Variants in MCM9 observed in about 807,000 individuals in gnomAD.
The protein encoded by MCM9 is DNA helicase MCM9.
In MCM9, 55 loss-of-function variants were observed where a neutral mutation model predicts 72.8. The ratio of observed to expected loss-of-function variants is 0.76; its 90% CI spans 0.61 to 0.95. MCM9 has a LOEUF of 0.95. Ranked by LOEUF, MCM9 falls within the 40% of genes least tolerant of loss-of-function variation. MCM9 has a pLI of 0.00. For missense variants in MCM9, 1,279 were observed against 1,377.0 expected, an observed-to-expected ratio of 0.93 and a Z score of 1.13; for synonymous variants, 480 against 503.4, an observed-to-expected ratio of 0.95 and a Z score of 0.62.
intron 8 of MCM9, among the ~76,000 whole-genome samples, chr6:118,869,599 C>CCAAAAAAAA (rs776414465): frequency 1.7e-5 from 1 of 58,298 alleles, no homozygotes. Context: ...AAAGGATTTA[C>CCAAAAAAAA]AAAAAAAAAA....
chr6:118,880,733 G>T (rs1411838563), intron 8 of MCM9, among the ~76,000 whole-genome samples: 7 of 152,188 alleles, frequency 4.6e-5, no homozygotes, highest in Non-Finnish European at 8.8e-5. Flanking sequence ...TTTTAGTACT[G>T]GAATAGGGAA....
At chr6:118,928,063 C>G (rs1430967803) in intron 3 of MCM9, among the ~76,000 whole-genome samples, 1 of 152,156 alleles carries the variant, frequency 6.6e-6, no homozygotes, top group Non-Finnish European at 1.5e-5. Context: ...CAGTGCTCTC[C>G]TCTTCACTCT....
At chr6:118,897,058 C>T (rs1015657846) in intron 8 of MCM9, among the ~76,000 whole-genome samples, 5 of 152,050 alleles carry the variant, frequency 3.3e-5, no homozygotes, top group Non-Finnish European at 7.4e-5. Flanking sequence ...AAGCTGGTCT[C>T]GAACCCCTGG....
intron 8 of MCM9, among the ~76,000 whole-genome samples, chr6:118,897,291 G>A (rs574329941): frequency 3.1e-4 from 47 of 152,158 alleles, no homozygotes; most frequent in African/African-American, 1.1e-3. Flanking sequence ...TTCAGAAAAA[G>A]CCTTGAGGAA....
At position 118,878,439 on chromosome 6, in the gene MCM9, G is replaced by A. The variant is rs575097811; in HGVS notation, c.1151-21894C>T. Among the ~76,000 whole-genome samples the A allele has an allele frequency of 2.0e-5, 3 of 152,240 alleles. No individual in the cohort carries two copies. In the South Asian group the frequency reaches 6.2e-4, roughly 32 times the overall value. On this transcript the variant is annotated intron_variant, in intron 8 of 13. Transcript: ENST00000619706. Reference sequence around the variant, plus strand: ...CTATATAGGTAAAAAATGAAAGACAGCATAACTGTAACTTTGTAACTTTTT... The same window carrying A: ...CTATATAGGTAAAAAATGAAAGACAACATAACTGTAACTTTGTAACTTTTT...
At chr6:118,855,309 C>T (rs866910972) in intron 9 of MCM9, among the ~76,000 whole-genome samples, 1 of 152,166 alleles carries the variant, frequency 6.6e-6, no homozygotes, top group East Asian at 1.9e-4. Context: ...GGACTTATCG[C>T]TTTGCTGTCA....
chr6:118,868,066 G>T (rs550633032), intron 8 of MCM9, among the ~76,000 whole-genome samples: 5 of 151,572 alleles, frequency 3.3e-5, no homozygotes, highest in Non-Finnish European at 7.4e-5. Context: ...TAGTAGAGAC[G>T]GGGTTTCACC....
At chr6:118,915,672 C>T (rs1375297762) in intron 6 of MCM9, among the ~76,000 whole-genome samples, 1 of 152,078 alleles carries the variant, frequency 6.6e-6, no homozygotes, top group African/African-American at 2.4e-5. Flanking sequence ...CTTCACCTCT[C>T]CTCCCTCCAA....
At chr6:118,898,247 A>G (rs1171683759) in intron 8 of MCM9, among the ~76,000 whole-genome samples, 1 of 152,228 alleles carries the variant, frequency 6.6e-6, no homozygotes, top group Non-Finnish European at 1.5e-5. Context: ...AACAATAGGT[A>G]TGAAGTAGAA....
At chr6:118,891,549 T>C (rs1374180866) in intron 8 of MCM9, among the ~76,000 whole-genome samples, 2 of 152,108 alleles carry the variant, frequency 1.3e-5, no homozygotes, top group Non-Finnish European at 2.9e-5. Flanking sequence ...TTTGCTGTGT[T>C]TCCTCTGTGT....
At chr6:118,836,354 G>T (rs148818780) in intron 9 of MCM9, among the ~76,000 whole-genome samples, 2 of 152,292 alleles carry the variant, frequency 1.3e-5, no homozygotes, top group East Asian at 3.9e-4. Flanking sequence ...AATGATGCTG[G>T]CCTCATAAAA....
At chr6:118,831,791 T>C (rs1774581027) in intron 9 of MCM9, among the ~76,000 whole-genome samples, 1 of 152,144 alleles carries the variant, frequency 6.6e-6, no homozygotes, top group Non-Finnish European at 1.5e-5. Flanking sequence ...TCAACAATAT[T>C]AATAAAAATA....
In MCM9 at chr6:118,847,773, G is replaced by T. The variant is rs945584748; in HGVS notation, c.1325+8598C>A. Among the ~76,000 whole-genome samples, 6 of 151,764 alleles carry T rather than the reference G, an allele frequency of 4.0e-5. No homozygotes were observed. In the East Asian group the frequency reaches 9.6e-4, roughly 24 times the overall value. On this transcript the variant is annotated intron_variant, in intron 9 of 13. Transcript: ENST00000619706. ...ACCAGGAATAATCAACTGAGACATA[G>T]TCTAGTAAAAATATTATACTTTAAA...
At chr6:118,835,121 C>T (rs1346222403) in intron 9 of MCM9, among the ~76,000 whole-genome samples, 2 of 152,154 alleles carry the variant, frequency 1.3e-5, no homozygotes, top group African/African-American at 4.8e-5. Flanking sequence ...TTCCCCATTG[C>T]TTGTTTTTGT....
chr6:118,901,430 T>C (rs1240124690), intron 8 of MCM9, among the ~76,000 whole-genome samples: 1 of 152,140 alleles, frequency 6.6e-6, no homozygotes, highest in Non-Finnish European at 1.5e-5. Flanking sequence ...ATTCCAGAGT[T>C]TACTAAAGCA....
At chr6:118,895,764 G>T (rs1779353378) in intron 8 of MCM9, among the ~76,000 whole-genome samples, 1 of 152,076 alleles carries the variant, frequency 6.6e-6, no homozygotes, top group African/African-American at 2.4e-5. Flanking sequence ...TCATCGATGA[G>T]GGACATACTT....
chr6:118,897,025 G>A (rs947728167), intron 8 of MCM9, among the ~76,000 whole-genome samples: 3 of 152,020 alleles, frequency 2.0e-5, no homozygotes, highest in African/African-American at 7.3e-5. Flanking sequence ...TTTTTGTAGA[G>A]ACGGAGTTTT....
At chr6:118,889,049 C>T (rs1778784999) in intron 8 of MCM9, among the ~76,000 whole-genome samples, 1 of 152,140 alleles carries the variant, frequency 6.6e-6, no homozygotes, top group Non-Finnish European at 1.5e-5. Flanking sequence ...GACTCAGATG[C>T]TTCAAATGAG....
intron 8 of MCM9, among the ~76,000 whole-genome samples, chr6:118,876,422 G>A (rs1412659830): frequency 6.6e-6 from 1 of 152,180 alleles, no homozygotes; most frequent in African/African-American, 2.4e-5. Context: ...TTTATCGGTT[G>A]TAATGAATGT....
Sources: allele counts gnomAD v4.1 joint callset (sites outside exome capture counted in the v4.1 genomes callset), GRCh38; gene constraint gnomAD v4.1.1; transcripts MANE v1.5; gene names NCBI Gene and HGNC (gene_info 2026-07-23, HGNC 2026-07-21).